Variants in DNAJC5 observed in about 807,000 individuals in gnomAD.
The protein encoded by DNAJC5 is DnaJ heat shock protein family (Hsp40) member C5, also known as dnaJ homolog subfamily C member 5.
DNAJC5 carries 1 observed loss-of-function variant against 23.2 expected under a neutral mutation model. That is an observed-to-expected ratio of 0.04 (90% confidence interval 0.02 to 0.20). The LOEUF (loss-of-function observed/expected upper bound fraction) is 0.20. DNAJC5 is among the 10% of genes least tolerant of loss of function. DNAJC5 has a pLI of 1.00. For synonymous variants in DNAJC5, 136 were observed against 120.0 expected (o/e 1.13, Z -0.87); for missense variants, 180 against 267.0 (o/e 0.67, Z 2.27).
chr20:63,926,040 G>A (rs978158375), intron 1 of DNAJC5, among the ~76,000 whole-genome samples: 1 of 152,118 alleles, frequency 6.6e-6, no homozygotes, highest in South Asian at 2.1e-4. Flanking sequence ...GTGTTAGCCA[G>A]GATGGTCTCA....
chr20:63,925,988 C>T (rs576760801), intron 1 of DNAJC5, among the ~76,000 whole-genome samples: 13 of 152,054 alleles, frequency 8.5e-5, no homozygotes, highest in East Asian at 3.9e-4. Context: ...CCACCACTTC[C>T]GGCTAATTTT....
At position 63,930,898 on chromosome 20, in the gene DNAJC5, C is replaced by T. The variant is rs763451897; in HGVS notation, c.369C>T (p.Cys123=). 2 of 1,613,878 alleles carry T rather than the reference C, an allele frequency of 1.2e-6. No homozygotes were observed. Among genetic ancestry groups the T allele is most frequent in the African/African-American group, 1.3e-5 (1 of 74,944 alleles). ...CGLLTCCYCC[C]CLCCCFNCCC... The stretch of plus-strand genomic sequence containing the variant: ...TCCTCACGTGCTGCTACTGCTGCTG[C>T]TGTCTGTGCTGCTGCTTCAACTGCT... Residue 123 remains cysteine, a synonymous_variant, in exon 4 of 5, where the codon TGC becomes TGT. Transcript: ENST00000360864.
At chr20:63,909,372 G>A (rs1244970329) in intron 1 of DNAJC5, among the ~76,000 whole-genome samples, 9 of 152,088 alleles carry the variant, frequency 5.9e-5, no homozygotes, top group Admixed American at 5.2e-4. Flanking sequence ...GCGTGGTGGC[G>A]GGCGCCTGTA....
chr20:63,917,559 T>G (rs1329809074), intron 1 of DNAJC5, among the ~76,000 whole-genome samples: 1 of 149,554 alleles, frequency 6.7e-6, no homozygotes, highest in East Asian at 2.0e-4. Context: ...AGCCTTATTA[T>G]TATTATTTTT....
At chr20:63,925,025 G>A (rs55832628) in intron 1 of DNAJC5, among the ~76,000 whole-genome samples, 105 of 152,360 alleles carry the variant, frequency 6.9e-4, no homozygotes, top group Non-Finnish European at 1.0e-3. Context: ...AGCTTTCAGC[G>A]GACCAGGGGA....
Position 63,927,260 on chromosome 20 carries a change from T to A in DNAJC5, c.-11-1075T>A, listed in dbSNP as rs536495700. 1.3e-4 allele frequency among the ~76,000 whole-genome samples: 20 copies of A among 152,294 alleles called. 3 individuals carry two copies. The South Asian group carries it at 4.1e-3, about 32-fold the overall frequency. On this transcript the variant is annotated intron_variant, in intron 1 of 4. Transcript: ENST00000360864. ...TGCCAGGCGCTGTGGCTCACACCTA[T>A]AACCCCAGCACTGTGGGAGGCTGAG...
intron 3 of DNAJC5, among the ~76,000 whole-genome samples, chr20:63,930,049 C>G (rs2053653773): frequency 6.6e-6 from 1 of 152,340 alleles, no homozygotes. Flanking sequence ...ATCCGCATTT[C>G]TTCGTTTCCT....
chr20:63,931,042 C>A lies in DNAJC5; in HGVS notation c.493+20C>A, dbSNP rs1340410388. On this transcript the variant is annotated intron_variant, in intron 4 of 4. Coordinates refer to ENST00000360864, the MANE Select transcript of DNAJC5 (RefSeq NM_025219.3). This position sits in a 1 kb window ranked among gnomAD's most constrained non-coding sequence, Gnocchi z 9.6. ...AGAGGGGTGAGTGCCCGCCCCAGGG[C>A]CCGTGTGTGTGTGTGGGGCAGAGCC... 5 of 1,611,618 alleles carry A rather than the reference C, an allele frequency of 3.1e-6. No homozygotes were observed. Among genetic ancestry groups the A allele is most frequent in the African/African-American group, 2.7e-5 (2 of 74,910 alleles).
At chr20:63,911,215 G>A (rs1338260285) in intron 1 of DNAJC5, among the ~76,000 whole-genome samples, 9 of 152,166 alleles carry the variant, frequency 5.9e-5, no homozygotes, top group African/African-American at 1.9e-4. Flanking sequence ...GTTTGGTTTT[G>A]TTTCTCTGTA....
chr20:63,900,185 A>G (rs889250089), intron 1 of DNAJC5, among the ~76,000 whole-genome samples: 7 of 151,980 alleles, frequency 4.6e-5, no homozygotes, highest in Non-Finnish European at 8.8e-5. Flanking sequence ...CACTGAGCCC[A>G]GCCCCAAGTT....
At chr20:63,897,316 C>T (rs1276846806) in intron 1 of DNAJC5, among the ~76,000 whole-genome samples, 1 of 152,180 alleles carries the variant, frequency 6.6e-6, no homozygotes, top group Non-Finnish European at 1.5e-5. Flanking sequence ...ATCACTTGAA[C>T]CCAGGAGGCG....
intron 1 of DNAJC5, among the ~76,000 whole-genome samples, chr20:63,919,212 C>T (rs111449344): frequency 3.2e-4 from 49 of 152,328 alleles, no homozygotes; most frequent in African/African-American, 9.1e-4. Context: ...GGAGCAGGGA[C>T]CTGCTAAACT....
intron 1 of DNAJC5, among the ~76,000 whole-genome samples, chr20:63,925,808 G>T (rs985260534): frequency 6.7e-6 from 1 of 149,618 alleles, no homozygotes; most frequent in East Asian, 2.0e-4. Flanking sequence ...AAAAATCTGG[G>T]CCTGGAATTT....
intron 1 of DNAJC5, among the ~76,000 whole-genome samples, chr20:63,910,272 C>T (rs541885705): frequency 2.0e-4 from 31 of 151,718 alleles, no homozygotes; most frequent in African/African-American, 7.5e-4. Flanking sequence ...TGGCCGGGCG[C>T]GGTGGCTCAC....
Position 63,934,430 on chromosome 20 carries a change from C to G in DNAJC5, c.*2862C>G, listed in dbSNP as rs576307094. ...CATGGGCACAGAATGTCCCTTTGGA[C>G]GCCGCTGCTGGGGGCTGCCAGGGGC... On this transcript the variant is annotated 3_prime_UTR_variant, in exon 5 of 5. Coordinates refer to ENST00000360864, the MANE Select transcript of DNAJC5 (RefSeq NM_025219.3). 1 of 152,262 alleles carries G rather than the reference C, an allele frequency of 6.6e-6. No individual in the cohort carries two copies. Among genetic ancestry groups the G allele is most frequent in the South Asian group, 2.1e-4 (1 of 4,832 alleles). 9.4% of individuals were successfully genotyped at this position (152,262 alleles called of 1,614,324 possible).
intron 1 of DNAJC5, among the ~76,000 whole-genome samples, chr20:63,923,630 TG>T (rs886458378): frequency 3.1e-4 from 47 of 150,544 alleles, no homozygotes; most frequent in African/African-American, 1.1e-3. Context: ...GAGGCTGAGG[TG>T]GGGGGATCAG....
rs754855081 is a variant in DNAJC5, at chr20:63,929,136, C to T, written c.108-176C>T. Among the ~76,000 whole-genome samples the T allele has an allele frequency of 3.3e-5, 5 of 152,154 alleles. No homozygotes were observed. Among genetic ancestry groups the T allele is most frequent in the East Asian group, 1.9e-4 (1 of 5,192 alleles). ...GGTGAGGAGGTTTACCTGAAACAAC[C>T]GCGGAGCTTGCTTTTGTCCCTGGCC... On this transcript the variant is annotated intron_variant, in intron 2 of 4. Coordinates refer to ENST00000360864, the MANE Select transcript of DNAJC5 (RefSeq NM_025219.3). The surrounding 1 kb of genome is among the most constrained non-coding windows in gnomAD (Gnocchi z 8.6).
chr20:63,896,144 CCTATT>C (rs1351326428), intron 1 of DNAJC5, among the ~76,000 whole-genome samples: 1 of 152,260 alleles, frequency 6.6e-6, no homozygotes, highest in East Asian at 1.9e-4. Flanking sequence ...TTTAGAAAAA[CCTATT>C]CTAATGACAA....
chr20:63,909,692 A>G (rs1310957038), intron 1 of DNAJC5, among the ~76,000 whole-genome samples: 1 of 152,320 alleles, frequency 6.6e-6, no homozygotes, highest in Non-Finnish European at 1.5e-5. Flanking sequence ...AAGAAAGAAA[A>G]AGAAAGAAAA....
Sources: gnomAD v4.1 joint callset for allele counts (sites outside exome capture counted in the v4.1 genomes callset) on GRCh38, gnomAD v4.1.1 for gene constraint, Gnocchi (gnomAD v3.1) non-coding constraint, MANE v1.5 for transcripts, NCBI Gene and HGNC (gene_info 2026-07-23, HGNC 2026-07-21) for gene names.